The following DUSP13B variants were observed in gnomAD, a reference collection of about 807,000 sequenced individuals.
DUSP13B encodes dual specificity protein phosphatase 13B.
chr10:75,096,192 T>A, the DUSP13B span, among the ~76,000 whole-genome samples: 1 of 150,948 alleles, frequency 6.6e-6, no homozygotes, highest in Non-Finnish European at 1.5e-5. Context: ...GAGGCGGAGG[T>A]TGCAGTGAGC....
the DUSP13B span, chr10:75,099,736 G>A: frequency 3.7e-6 from 1 of 272,608 alleles, no homozygotes; most frequent in Non-Finnish European, 6.6e-6. Context: ...GAGGTGGGAA[G>A]AGAACTTCTG....
the DUSP13B span, among the ~76,000 whole-genome samples, chr10:75,098,439 G>T: frequency 6.6e-6 from 1 of 152,180 alleles, no homozygotes; most frequent in South Asian, 2.1e-4. Context: ...TAGCAACTCC[G>T]CATGGAATGA....
chr10:75,099,353 G>A, the DUSP13B span: 7 of 1,232,166 alleles, frequency 5.7e-6, no homozygotes, highest in Non-Finnish European at 7.1e-6. Context: ...GTCGGGCAAG[G>A]CGGAAGTGAA....
the DUSP13B span, chr10:75,094,648 G>A: frequency 1.2e-6 from 2 of 1,610,738 alleles, no homozygotes; most frequent in South Asian, 1.1e-5. Context: ...GTTGGGCCAA[G>A]GGTCAGGGAT....
the DUSP13B span, chr10:75,104,193 C>A: frequency 3.6e-6 from 3 of 836,554 alleles, no homozygotes; most frequent in Non-Finnish European, 5.0e-6. Flanking sequence ...TCACCTAAAC[C>A]TGCTTCTGCC....
chr10:75,099,115 G>A, the DUSP13B span: 1 of 1,232,208 alleles, frequency 8.1e-7, no homozygotes, highest in African/African-American at 1.6e-5. Flanking sequence ...GAAGGAGTCA[G>A]GGACCCTGCG....
the DUSP13B span, chr10:75,101,991 G>C: frequency 7.4e-7 from 1 of 1,357,338 alleles, no homozygotes; most frequent in Non-Finnish European, 9.8e-7. Flanking sequence ...TAATTATAAA[G>C]CATGCTGTCT....
At chr10:75,095,310 C>A in the DUSP13B span, among the ~76,000 whole-genome samples, 1 of 152,210 alleles carries the variant, frequency 6.6e-6, no homozygotes, top group Non-Finnish European at 1.5e-5. Flanking sequence ...GGGTCCTATA[C>A]CTTCTGTCCA....
At chr10:75,105,052 C>T in the DUSP13B span, among the ~76,000 whole-genome samples, 3 of 152,096 alleles carry the variant, frequency 2.0e-5, no homozygotes, top group Non-Finnish European at 2.9e-5. Context: ...AGGCTTGAGG[C>T]GAGACAGGCA....
the DUSP13B span, chr10:75,103,858 C>G: frequency 7.8e-7 from 1 of 1,280,620 alleles, no homozygotes; most frequent in Non-Finnish European, 1.0e-6. Flanking sequence ...GGCCAAGAAG[C>G]CTGAGGGCTT....
the DUSP13B span, among the ~76,000 whole-genome samples, chr10:75,100,215 G>C: frequency 2.6e-5 from 4 of 152,148 alleles, no homozygotes; most frequent in South Asian, 2.1e-4. Flanking sequence ...AAGGATTTGG[G>C]GGCTGGTAGG....
At chr10:75,102,480 A>G in the DUSP13B span, among the ~76,000 whole-genome samples, 1 of 152,140 alleles carries the variant, frequency 6.6e-6, no homozygotes, top group Admixed American at 6.5e-5. Flanking sequence ...AAAAAAAGAG[A>G]TAGTGGGAGA....
At chr10:75,101,912 T>C in the DUSP13B span, 2 of 1,367,654 alleles carry the variant, frequency 1.5e-6, no homozygotes, top group South Asian at 2.3e-5. Flanking sequence ...TGACGGGCAG[T>C]TCGTGCTGCT....
At chr10:75,097,809 G>T in the DUSP13B span, 2 of 1,613,984 alleles carry the variant, frequency 1.2e-6, no homozygotes, top group East Asian at 4.5e-5. Context: ...GCCAATGTGG[G>T]CGGCTGGTAG....
At chr10:75,109,157 T>C in the DUSP13B span, 111 of 1,582,060 alleles carry the variant, frequency 7.0e-5, no homozygotes, top group Non-Finnish European at 9.2e-5. Flanking sequence ...GTCTCAGCCA[T>C]GGGCCAGCCC....
At chr10:75,101,989 A>G in the DUSP13B span, 3 of 1,359,276 alleles carry the variant, frequency 2.2e-6, no homozygotes, top group East Asian at 1.4e-4. Context: ...TTTAATTATA[A>G]AGCATGCTGT....
chr10:75,106,106 T>C, the DUSP13B span, among the ~76,000 whole-genome samples: 147 of 81,610 alleles, frequency 1.8e-3, 1 homozygote, highest in East Asian at 0.014. Flanking sequence ...CTTTTCTTTT[T>C]TTTTTTTTTT....
the DUSP13B span, among the ~76,000 whole-genome samples, chr10:75,097,234 G>A: frequency 2.0e-5 from 3 of 151,750 alleles, no homozygotes; most frequent in African/African-American, 7.3e-5. Context: ...TTGAGACAGA[G>A]TTTCGCTCTT....
At chr10:75,094,767 T>G in the DUSP13B span, 2 of 1,614,132 alleles carry the variant, frequency 1.2e-6, no homozygotes, top group Non-Finnish European at 1.7e-6. Context: ...GCGGTGGGCC[T>G]GCACCGTCTG....
Sources: gnomAD v4.1 joint callset for allele counts (sites outside exome capture counted in the v4.1 genomes callset) on GRCh38, gnomAD v4.1.1 for gene constraint, MANE v1.5 for transcripts, NCBI Gene and HGNC (gene_info 2026-07-23, HGNC 2026-07-21) for gene names.